NR3C1: variants seen among roughly 807,000 people sequenced by gnomAD.
NR3C1 encodes nuclear receptor subfamily 3 group C member 1.
A neutral mutation model predicts 74.0 loss-of-function variants in NR3C1; 14 were observed. That is an observed-to-expected ratio of 0.19 (90% CI 0.12 to 0.30). The LOEUF is 0.30. Among genes scored for constraint, NR3C1 ranks in the 10% least tolerant of loss-of-function variants. The pLI, the probability that NR3C1 is intolerant of heterozygous loss-of-function variation, is 1.00. For synonymous variants in NR3C1, 308 were observed against 332.5 expected, an observed-to-expected ratio of 0.93 and a Z score of 0.80; for missense variants, 695 against 909.8, an observed-to-expected ratio of 0.76 and a Z score of 3.04.
chr5:143,398,767 C>T (rs772547378), intron 2 of NR3C1, among the ~76,000 whole-genome samples: 2 of 152,100 alleles, frequency 1.3e-5, no homozygotes, highest in Non-Finnish European at 2.9e-5. Flanking sequence ...CCCCTACCAA[C>T]ACGTATATCT....
chr5:143,429,546 C>T (rs1240151532), intron 1 of NR3C1, among the ~76,000 whole-genome samples: 1 of 152,182 alleles, frequency 6.6e-6, no homozygotes, highest in Non-Finnish European at 1.5e-5. Context: ...TAAACTTGAA[C>T]TGTATGCAAC....
chr5:143,299,013 T>G (rs1817908663), intron 5 of NR3C1, among the ~76,000 whole-genome samples: 1 of 147,384 alleles, frequency 6.8e-6, no homozygotes, highest in Non-Finnish European at 1.5e-5. Context: ...GTGTTTTTTT[T>G]TTTTTTTTTT....
At chr5:143,289,016 G>A (rs1815228127) in intron 7 of NR3C1, among the ~76,000 whole-genome samples, 1 of 146,680 alleles carries the variant, frequency 6.8e-6, no homozygotes, top group Admixed American at 7.0e-5. Flanking sequence ...AGGCTGCGAT[G>A]AGCCAAGATC....
intron 2 of NR3C1, among the ~76,000 whole-genome samples, chr5:143,346,991 T>A (rs1227306684): frequency 2.0e-5 from 3 of 152,208 alleles, no homozygotes; most frequent in African/African-American, 4.8e-5. Flanking sequence ...AACACAGGCT[T>A]TAGTACACAG....
intron 2 of NR3C1, among the ~76,000 whole-genome samples, chr5:143,397,691 A>T (rs1839478902): frequency 6.6e-6 from 1 of 151,968 alleles, no homozygotes; most frequent in African/African-American, 2.4e-5. Flanking sequence ...ATTTGATATT[A>T]AAGAACTTCT....
chr5:143,304,679 G>A (rs1023779640), intron 4 of NR3C1, among the ~76,000 whole-genome samples: 7 of 151,682 alleles, frequency 4.6e-5, no homozygotes, highest in South Asian at 2.1e-4. Flanking sequence ...TATAGTAACC[G>A]AAACAGCATG....
At chr5:143,397,796 T>C (rs1839502963) in intron 2 of NR3C1, among the ~76,000 whole-genome samples, 1 of 151,954 alleles carries the variant, frequency 6.6e-6, no homozygotes, top group African/African-American at 2.4e-5. Flanking sequence ...CATGAAGTAC[T>C]ATAAAAGTTA....
Position 143,387,029 on chromosome 5 carries a change from A to G in NR3C1, c.1184+12627T>C, listed in dbSNP as rs78125788. 1.0e-3 allele frequency among the ~76,000 whole-genome samples: 155 copies of G among 152,372 alleles called. 3 individuals carry two copies. The East Asian group carries it at 0.022, about 22-fold the overall frequency. ...GAAGATTAATCTGGCAGTAGACTGC[A>G]GAATGAATTAAGAAGGGAGAGGAGA... On this transcript the variant is annotated intron_variant, in intron 2 of 8. Coordinates refer to ENST00000394464, the MANE Select transcript of NR3C1 (RefSeq NM_000176.3).
At chr5:143,416,845 G>A (rs1192913194) in intron 1 of NR3C1, among the ~76,000 whole-genome samples, 1 of 152,186 alleles carries the variant, frequency 6.6e-6, no homozygotes, top group Non-Finnish European at 1.5e-5. Flanking sequence ...TTAACTAGAT[G>A]AGATGGTCAA....
chr5:143,317,205 T>C (rs941942299), intron 2 of NR3C1, among the ~76,000 whole-genome samples: 6 of 152,126 alleles, frequency 3.9e-5, no homozygotes, highest in Non-Finnish European at 7.4e-5. Flanking sequence ...AAGTTTGATA[T>C]TGTTAAAAGG....
At chr5:143,307,047 C>T (rs1167204875) in intron 4 of NR3C1, among the ~76,000 whole-genome samples, 1 of 151,888 alleles carries the variant, frequency 6.6e-6, no homozygotes, top group African/African-American at 2.4e-5. Context: ...CAGGCGCCCG[C>T]CACCACGCCT....
At chr5:143,293,903 C>T (rs1293262806) in intron 7 of NR3C1, 1 of 979,154 alleles carries the variant, frequency 1.0e-6, no homozygotes, top group Non-Finnish European at 1.2e-6. Flanking sequence ...TTGTTAGTAT[C>T]CAGGCACTGA....
At chr5:143,364,230 C>T (rs540019981) in intron 2 of NR3C1, among the ~76,000 whole-genome samples, 11 of 152,278 alleles carry the variant, frequency 7.2e-5, no homozygotes, top group African/African-American at 1.4e-4. Flanking sequence ...GAAGACAGTA[C>T]GATGACATAT....
chr5:143,369,621 T>C (rs780457441), intron 2 of NR3C1, among the ~76,000 whole-genome samples: 5 of 152,196 alleles, frequency 3.3e-5, no homozygotes, highest in Non-Finnish European at 7.4e-5. Flanking sequence ...TATGATTCTA[T>C]TTATACGAAA....
intron 2 of NR3C1, among the ~76,000 whole-genome samples, chr5:143,316,794 A>T (rs1478443185): frequency 6.6e-6 from 1 of 152,180 alleles, no homozygotes; most frequent in Non-Finnish European, 1.5e-5. Flanking sequence ...TTTCTTTTTC[A>T]GGAACACTGA....
In NR3C1 at chr5:143,314,109, C is replaced by T. The variant is rs193921137; in HGVS notation, c.1244G>A (p.Gly415Glu). Residue 415 changes from glycine to glutamate, a missense_variant, in exon 3 of 9, where the codon GGA becomes GAA. Around this residue, in one of 4 missense-constraint regions of NR3C1, gnomAD observed 497 missense variants for 489.5 expected, o/e 1.02. Transcript: ENST00000394464. ...PPSSSSTATT[G>E]PPPKLCLVCS... is the part of the protein sequence containing the mutation. The stretch of plus-strand genomic sequence containing the variant: ...CACCAGGCAGAGTTTGGGAGGTGGT[C>T]CTGTTGTTGCTGTTGAGGAGCTGGA... 18 of 1,613,628 alleles carry T rather than the reference C, an allele frequency of 1.1e-5. No homozygotes were observed. The highest frequency in any genetic ancestry group is 1.5e-5 in the Non-Finnish European group (18 of 1,179,774).
At chr5:143,337,408 A>C (rs1270264969) in intron 2 of NR3C1, among the ~76,000 whole-genome samples, 1 of 152,240 alleles carries the variant, frequency 6.6e-6, no homozygotes, top group Non-Finnish European at 1.5e-5. Flanking sequence ...GTTTGGTATT[A>C]TCCAGTAAAG....
intron 1 of NR3C1, among the ~76,000 whole-genome samples, chr5:143,425,631 C>A (rs1007002156): frequency 5.3e-5 from 8 of 152,228 alleles, no homozygotes; most frequent in Admixed American, 5.2e-4. Context: ...TGCACAATAT[C>A]ATTATTCATT....
intron 1 of NR3C1, among the ~76,000 whole-genome samples, chr5:143,429,046 G>A (rs760112163): frequency 1.3e-5 from 2 of 152,178 alleles, no homozygotes; most frequent in East Asian, 1.9e-4. Context: ...AACATGAAAC[G>A]GGAAGCTGAT....
Sources: allele counts gnomAD v4.1 joint callset (sites outside exome capture counted in the v4.1 genomes callset), GRCh38; gene constraint gnomAD v4.1.1; regional missense constraint gnomAD v4.1.1; transcripts MANE v1.5; gene names NCBI Gene and HGNC (gene_info 2026-07-23, HGNC 2026-07-21).